Variants in SYNE2 observed in about 807,000 individuals in gnomAD.
The protein encoded by SYNE2 is spectrin repeat containing nuclear envelope protein 2, also known as nesprin-2.
SYNE2 carries 431 observed loss-of-function variants against 856.3 expected under a neutral mutation model. The ratio of observed to expected loss-of-function variants is 0.50; its 90% confidence interval spans 0.47 to 0.55. SYNE2 has a LOEUF of 0.55. SYNE2 is among the 20% of genes least tolerant of loss of function. The pLI is 0.00. For missense variants in SYNE2, 8,129 were observed against 8,023.2 expected, an observed-to-expected ratio of 1.01 and a Z score of -0.50; for synonymous variants, 2,923 against 2,872.3, an observed-to-expected ratio of 1.02 and a Z score of -0.56.
intron 44 of SYNE2, 92 bp from the exon 45 acceptor site, chr14:64,030,924 C>T: frequency 1.0e-6 from 1 of 998,980 alleles, no homozygotes; most frequent in Non-Finnish European, 1.6e-6. Flanking sequence ...AATATTTCTA[C>T]TGGTGAAGCA....
chr14:64,107,541 C>T lies in SYNE2; in HGVS notation c.12543C>T (p.Leu4181=). 6.2e-7 allele frequency: 1 copy of T among 1,614,172 alleles called. No individual in the cohort carries two copies. ...CTGATAATTCCATGGCACAAATCCT[C>T]ACACCAGACTCACTAAACACTGAGC... ...STSDNSMAQI[L]TPDSLNTEQG... is the part of the protein sequence containing the mutation. Residue 4181 remains leucine (L), a synonymous_variant, in exon 65 of 116, where the codon CTC becomes CTT. Coordinates refer to ENST00000555002, the MANE Select transcript of SYNE2 (RefSeq NM_182914.3).
chr14:63,850,443 C>T (rs1040012518), upstream of SYNE2, among the ~76,000 whole-genome samples: 1 of 151,892 alleles, frequency 6.6e-6, no homozygotes, highest in Non-Finnish European at 1.5e-5. Context: ...GAAGAGTGTA[C>T]GCATGGCCAG....
chr14:63,967,507 C>T (rs576998189), intron 10 of SYNE2, among the ~76,000 whole-genome samples: 37 of 152,086 alleles, frequency 2.4e-4, no homozygotes, highest in Non-Finnish European at 2.5e-4. Context: ...CAGAGTGAGA[C>T]CTATGACATT....
chr14:64,054,859 T>C (rs900643861), intron 48 of SYNE2, among the ~76,000 whole-genome samples: 1 of 152,230 alleles, frequency 6.6e-6, no homozygotes, highest in Non-Finnish European at 1.5e-5. Flanking sequence ...AAAGAGTTAT[T>C]ATGAGATACT....
At position 63,981,614 on chromosome 14, in the gene SYNE2, G is replaced by GA. The variant is rs1157073525; in HGVS notation, c.1836+445dup. On this transcript the variant is annotated intron_variant, in intron 16 of 115. Coordinates refer to ENST00000555002, the MANE Select transcript of SYNE2 (RefSeq NM_182914.3). ...AAATCTTCCTGAGTTTCTATAGGAG[G>GA]AAAATCAAGATACCGTAACTTATGT... 5.9e-5 allele frequency among the ~76,000 whole-genome samples: 9 copies of GA among 152,112 alleles called. 1 individual carries two copies. The highest frequency in any genetic ancestry group is 5.2e-4 in the Admixed American group (8 of 15,266).
chr14:63,868,750 GC>G (rs1896103253), intron 1 of SYNE2, among the ~76,000 whole-genome samples: 1 of 152,140 alleles, frequency 6.6e-6, no homozygotes, highest in Non-Finnish European at 1.5e-5. Context: ...ATGTGTGTGT[GC>G]TGGGGTTTTT....
chr14:64,085,680 T>C (rs1037570892), intron 57 of SYNE2, among the ~76,000 whole-genome samples: 2 of 152,236 alleles, frequency 1.3e-5, no homozygotes, highest in Non-Finnish European at 1.5e-5. Flanking sequence ...GCGCTTAATA[T>C]TGTCTGCCTT....
At chr14:64,163,344 T>A in intron 88 of SYNE2, 58 bp from the exon 89 acceptor site, 1 of 1,589,708 alleles carries the variant, frequency 6.3e-7, no homozygotes, top group Non-Finnish European at 8.6e-7. Context: ...CAGCAGCGGG[T>A]AGGGAATTGT....
At chr14:64,011,368 G>A (rs1371897968) in intron 32 of SYNE2, among the ~76,000 whole-genome samples, 14 of 152,130 alleles carry the variant, frequency 9.2e-5, no homozygotes, top group Non-Finnish European at 2.1e-4. Context: ...TTTTGGATTT[G>A]GCTCATCTTG....
At chr14:63,815,298 A>G (rs1016514281) in intron 1 of SYNE2, among the ~76,000 whole-genome samples, 10 of 83,920 alleles carry the variant, frequency 1.2e-4, no homozygotes, top group Non-Finnish European at 8.5e-5. Context: ...CAGGATCACA[A>G]GTTCCCATAT....
At chr14:63,830,359 C>G (rs886715298) in intron 1 of SYNE2, among the ~76,000 whole-genome samples, 1 of 151,024 alleles carries the variant, frequency 6.6e-6, no homozygotes, top group Non-Finnish European at 1.5e-5. Flanking sequence ...AAATTGTATA[C>G]TTCAAAAAAA....
intron 80 of SYNE2, among the ~76,000 whole-genome samples, chr14:64,140,579 G>C (rs2098131329): frequency 6.6e-6 from 1 of 152,168 alleles, no homozygotes; most frequent in African/African-American, 2.4e-5. Context: ...GTGAAACTCA[G>C]TCTCAAAAAA....
intron 94 of SYNE2, chr14:64,174,123 G>A (rs1473790667): frequency 2.2e-5 from 10 of 462,878 alleles, no homozygotes; most frequent in Admixed American, 3.9e-5. Context: ...CCAGGCTGGA[G>A]TGCAGTGGTG....
chr14:64,165,296 A>C lies in SYNE2; in HGVS notation c.16491A>C (p.Ser5497=), dbSNP rs2098367788. ...TTCTCTTGTTCTAGTTTGTTCTCTC[A>C]CAGTTTAAGGATTTTGGAGTCCGGC... The part of the protein sequence containing the change: ...VKANEFEFVL[S]QFKDFGVRLE... Residue 5497 remains serine (S), a synonymous_variant, in exon 90 of 116, where the codon TCA becomes TCC. Coordinates refer to ENST00000555002, the MANE Select transcript of SYNE2 (RefSeq NM_182914.3). The C allele has an allele frequency of 6.2e-7, 1 of 1,613,790 alleles. No individual in the cohort carries two copies. Among genetic ancestry groups the C allele is most frequent in the Non-Finnish European group, 8.5e-7 (1 of 1,179,794 alleles).
chr14:63,963,943 A>G lies in SYNE2; in HGVS notation c.933A>G (p.Glu311=). The change falls in exon 10 of 116, where the codon GAA becomes GAG. Residue 311 remains glutamate (E), a synonymous_variant. Transcript: ENST00000555002. ...TGGGCTGGTTAACTCTGCAAAAGGA[A>G]AAACTACAGAAGTTGCTAAAGGATT... ...DAMGWLTLQK[E]KLQKLLKDSE... 2 of 1,613,236 alleles carry G rather than the reference A, an allele frequency of 1.2e-6. No individual in the cohort carries two copies. Among genetic ancestry groups the G allele is most frequent in the African/African-American group, 1.3e-5 (1 of 75,018 alleles).
At chr14:64,050,617 G>T (rs758910741) in intron 47 of SYNE2, among the ~76,000 whole-genome samples, 1 of 152,126 alleles carries the variant, frequency 6.6e-6, no homozygotes, top group Non-Finnish European at 1.5e-5. Context: ...GAATATATAT[G>T]TATTGGAATG....
Position 64,214,205 on chromosome 14 carries a change from T to C in SYNE2, c.19068T>C (p.Asp6356=). The change falls in exon 106 of 116, where the codon GAT becomes GAC. Residue 6356 remains aspartate (D), a synonymous_variant. Transcript: ENST00000555002. The part of the protein sequence containing the change: ...RLTSCTPGLE[D]EKEASENETD... ...ATACTGTGGTTTAGGGCTTGGAAGA[T>C]GAAAAGGAGGCCTCTGAGAATGAAA... 6.2e-7 allele frequency: 1 copy of C among 1,614,094 alleles called. No homozygotes were observed. The highest frequency in any genetic ancestry group is 8.5e-7 in the Non-Finnish European group (1 of 1,180,028).
chr14:64,006,266 A>G (rs1371058655), intron 30 of SYNE2, among the ~76,000 whole-genome samples: 1 of 152,178 alleles, frequency 6.6e-6, no homozygotes, highest in Non-Finnish European at 1.5e-5. Flanking sequence ...CTTTTTGTAC[A>G]TAACGGAGAA....
chr14:64,102,329 T>A (rs772408454), intron 64 of SYNE2, among the ~76,000 whole-genome samples: 3 of 152,148 alleles, frequency 2.0e-5, no homozygotes, highest in Non-Finnish European at 4.4e-5. Context: ...GTTGCCTGAC[T>A]TTCTATGTTA....
Sources: allele counts gnomAD v4.1 joint callset (sites outside exome capture counted in the v4.1 genomes callset), GRCh38; gene constraint gnomAD v4.1.1; transcripts MANE v1.5; gene names NCBI Gene and HGNC (gene_info 2026-07-23, HGNC 2026-07-21).